TSHR: variants seen among roughly 807,000 people sequenced by gnomAD.
The protein encoded by TSHR is thyroid stimulating hormone receptor, also known as thyrotropin receptor.
A neutral mutation model predicts 64.1 loss-of-function variants in TSHR; 51 were observed. The observed-to-expected ratio is 0.80, with a 90% CI of 0.64 to 1.01. TSHR has a LOEUF of 1.01. Among genes scored for constraint, TSHR ranks in the 50% least tolerant of loss-of-function variants. TSHR has a pLI of 0.00. For missense variants in TSHR, 877 were observed against 942.8 expected (o/e 0.93, Z 0.91); for synonymous variants, 361 against 361.9 (o/e 1.00, Z 0.03).
chr14:81,023,759 G>T (rs1162608660), intron 1 of TSHR, among the ~76,000 whole-genome samples: 1 of 152,108 alleles, frequency 6.6e-6, no homozygotes, highest in Non-Finnish European at 1.5e-5. Flanking sequence ...AGGCTCAGGG[G>T]TTAGCTGCTT....
chr14:80,982,847 G>A, intron 1 of TSHR: 1 of 501,248 alleles, frequency 2.0e-6, no homozygotes, highest in South Asian at 3.6e-5. Context: ...TCCGACCCTT[G>A]CATCCAGACC....
At chr14:80,967,882 G>A (rs1887400592) in intron 1 of TSHR, among the ~76,000 whole-genome samples, 1 of 152,186 alleles carries the variant, frequency 6.6e-6, no homozygotes, top group Non-Finnish European at 1.5e-5. Flanking sequence ...AGCAGGGAGA[G>A]AGGGAGAGTT....
intron 1 of TSHR, among the ~76,000 whole-genome samples, chr14:80,966,202 A>G (rs179247): frequency 0.41 from 61,693 of 152,000 alleles, 14,194 homozygotes; most frequent in South Asian, 0.6. Context: ...TGTTATTTCA[A>G]TCTTTTTTTA....
At chr14:81,117,269 AATAG>A (rs1463149141) in intron 8 of TSHR, among the ~76,000 whole-genome samples, 1 of 123,512 alleles carries the variant, frequency 8.1e-6, no homozygotes, top group African/African-American at 3.7e-5. Flanking sequence ...GGATCAACAA[AATAG>A]ATAGACCACT....
chr14:81,114,627 G>C (rs760388239), intron 8 of TSHR, among the ~76,000 whole-genome samples: 6 of 152,248 alleles, frequency 3.9e-5, no homozygotes, highest in Admixed American at 2.6e-4. Context: ...TTGCACAGGC[G>C]TGCTTAGGTA....
At chr14:81,071,615 G>T (rs965581854) in intron 3 of TSHR, among the ~76,000 whole-genome samples, 1 of 152,004 alleles carries the variant, frequency 6.6e-6, no homozygotes, top group African/African-American at 2.4e-5. Context: ...AAAAAAATTA[G>T]CTGAGCATGG....
intron 1 of TSHR, among the ~76,000 whole-genome samples, chr14:80,963,487 A>G (rs532354307): frequency 5.3e-5 from 8 of 152,348 alleles, no homozygotes; most frequent in African/African-American, 1.9e-4. Flanking sequence ...AAGAAAAAAA[A>G]CATTAAACAA....
chr14:81,125,912 G>T (rs924332079), intron 8 of TSHR, among the ~76,000 whole-genome samples: 1 of 151,820 alleles, frequency 6.6e-6, no homozygotes. Context: ...CTGCAAGGAA[G>T]ATCATGAAAG....
At chr14:81,104,028 CAAT>C in intron 7 of TSHR, 1 of 985,352 alleles carries the variant, frequency 1.0e-6, no homozygotes, top group Non-Finnish European at 1.2e-6. Context: ...TGGGAAAAGA[CAAT>C]GATAGAGAAT....
At chr14:80,996,794 T>G (rs1180964898) in intron 1 of TSHR, among the ~76,000 whole-genome samples, 1 of 152,132 alleles carries the variant, frequency 6.6e-6, no homozygotes, top group African/African-American at 2.4e-5. Flanking sequence ...GATGGTGGGA[T>G]GCAGAGGAAA....
At chr14:80,987,841 CTCAAG>C (rs1293621001) in intron 1 of TSHR, among the ~76,000 whole-genome samples, 14 of 152,324 alleles carry the variant, frequency 9.2e-5, no homozygotes, top group Admixed American at 3.9e-4. Flanking sequence ...ACAAGGCCCT[CTCAAG>C]TCTTCTGGAT....
In TSHR at chr14:81,143,351, CA is replaced by C. The variant is rs1891783115; in HGVS notation, c.1295del (p.Asn432MetfsTer15). 1 of 1,614,048 alleles carries C rather than the reference CA, an allele frequency of 6.2e-7. No homozygotes were observed. Among genetic ancestry groups the C allele is most frequent in the South Asian group, 1.1e-5 (1 of 91,078 alleles). The stretch of plus-strand genomic sequence containing the variant: ...TCGTTAGTCTGCTGGCTCTCCTGGG[CA>C]ATGTCTTTGTCCTGCTTATTCTCCT... The part of the protein sequence containing the change: ...WFVSLLALLG[N>X]VFVLLILLTS... On this transcript the variant is annotated frameshift_variant, in exon 10 of 10. Transcript: ENST00000298171. LOFTEE classifies it high-confidence loss of function.
chr14:81,095,151 T>C (rs1430114385), intron 6 of TSHR, among the ~76,000 whole-genome samples: 1 of 152,142 alleles, frequency 6.6e-6, no homozygotes, highest in Admixed American at 6.5e-5. Flanking sequence ...GTTATAGCTG[T>C]CTTCTCTTAT....
intron 1 of TSHR, among the ~76,000 whole-genome samples, chr14:80,996,726 T>A (rs1474927452): frequency 6.6e-6 from 1 of 152,130 alleles, no homozygotes; most frequent in Non-Finnish European, 1.5e-5. Context: ...GACTCTCTTT[T>A]GTACTAGTTC....
At chr14:81,138,221 C>A (rs1891533555) in intron 8 of TSHR, among the ~76,000 whole-genome samples, 1 of 140,806 alleles carries the variant, frequency 7.1e-6, no homozygotes, top group Admixed American at 7.2e-5. Context: ...GACAGAGTCT[C>A]ACTTTGTCAC....
At chr14:81,020,568 T>A (rs1883696084) in intron 1 of TSHR, among the ~76,000 whole-genome samples, 1 of 152,224 alleles carries the variant, frequency 6.6e-6, no homozygotes. Context: ...GAGGCAGCGA[T>A]GCTAGCACTC....
chr14:81,006,749 G>T (rs1242594867), intron 1 of TSHR, among the ~76,000 whole-genome samples: 2 of 152,074 alleles, frequency 1.3e-5, no homozygotes, highest in African/African-American at 4.8e-5. Flanking sequence ...TCCTGACCTC[G>T]TGATCTCCCC....
intron 9 of TSHR, among the ~76,000 whole-genome samples, chr14:81,140,226 AC>A (rs1891630934): frequency 6.6e-6 from 1 of 152,216 alleles, no homozygotes; most frequent in Admixed American, 6.5e-5. Flanking sequence ...CCCAGACACC[AC>A]AACCATGAGA....
At position 81,033,620 on chromosome 14, in the gene TSHR, T is replaced by TAA. The variant is rs558393145; in HGVS notation, c.171-28513_171-28512dup. Among the ~76,000 whole-genome samples the TAA allele has an allele frequency of 6.3e-3, 829 of 131,200 alleles. 11 individuals are homozygous for TAA. Among genetic ancestry groups the TAA allele is most frequent in the Middle Eastern group, 0.034 (9 of 262 alleles). 86.1% of individuals were successfully genotyped at this position (131,200 alleles called of 152,430 possible). On this transcript the variant is annotated intron_variant, in intron 1 of 9. Transcript: ENST00000298171. The stretch of plus-strand genomic sequence containing the variant: ...GAATGTTTTCCATATGGTCTTTTTC[T>TAA]AAAAAAAAAAAAAAAATGTACAATT...
Sources: gnomAD v4.1 joint callset for allele counts (sites outside exome capture counted in the v4.1 genomes callset) on GRCh38, gnomAD v4.1.1 for gene constraint, MANE v1.5 for transcripts, NCBI Gene and HGNC (gene_info 2026-07-23, HGNC 2026-07-21) for gene names.